CLVS1: variants seen among roughly 807,000 people sequenced by gnomAD.
The protein encoded by CLVS1 is clavesin 1.
Under a neutral mutation model 33.1 loss-of-function variants are expected in CLVS1, and 10 were observed. The observed-to-expected ratio is 0.30, with a 90% CI of 0.19 to 0.51. The LOEUF (loss-of-function observed/expected upper bound fraction) is 0.51. Ranked by LOEUF, CLVS1 falls within the 20% of genes least tolerant of loss-of-function variation. CLVS1 has a pLI of 0.97. For missense variants in CLVS1, 343 were observed against 433.4 expected (o/e 0.79, Z 1.85); for synonymous variants, 163 against 166.1 (o/e 0.98, Z 0.14).
intron 2 of CLVS1, among the ~76,000 whole-genome samples, chr8:61,183,539 G>A (rs981131126): frequency 2.0e-5 from 3 of 151,968 alleles, no homozygotes; most frequent in Non-Finnish European, 4.4e-5. Flanking sequence ...GTGAATAAAT[G>A]GTGTTGTTAC....
chr8:61,421,459 C>T (rs1162356666), intron 3 of CLVS1, among the ~76,000 whole-genome samples: 1 of 152,234 alleles, frequency 6.6e-6, no homozygotes, highest in Non-Finnish European at 1.5e-5. Context: ...CCTCCACCTA[C>T]AGGGTAGCCC....
At chr8:61,085,339 G>T (rs925676868) in intron 1 of CLVS1, among the ~76,000 whole-genome samples, 1 of 152,226 alleles carries the variant, frequency 6.6e-6, no homozygotes, top group East Asian at 1.9e-4. Flanking sequence ...TAGGTCTATG[G>T]CATGGCATTA....
At position 61,471,250 on chromosome 8, in the gene CLVS1, A is replaced by G. The variant is rs1027474930; in HGVS notation, c.977+12708A>G. ...GTGCAAGAGCTCCCGGCTTGCTGTT[A>G]GGGTCAGAAGGCAGCAGAGTGAGAA... On this transcript the variant is annotated intron_variant, in intron 5 of 5. Coordinates refer to ENST00000325897, the MANE Select transcript of CLVS1 (RefSeq NM_173519.3). 8.5e-5 allele frequency among the ~76,000 whole-genome samples: 13 copies of G among 152,212 alleles called. 1 individual carries two copies. The highest frequency in any genetic ancestry group is 3.1e-4 in the African/African-American group (13 of 41,464).
At chr8:61,286,967 C>A (rs1426745165), upstream of CLVS1, among the ~76,000 whole-genome samples, 1 of 152,090 alleles carries the variant, frequency 6.6e-6, no homozygotes, top group Non-Finnish European at 1.5e-5. Flanking sequence ...ACATTACAGG[C>A]TATATAAAAA....
At chr8:61,349,695 G>A (rs1054411641) in intron 2 of CLVS1, among the ~76,000 whole-genome samples, 7 of 152,038 alleles carry the variant, frequency 4.6e-5, no homozygotes, top group Admixed American at 3.3e-4. Flanking sequence ...GAATTACTTT[G>A]CAATTCTAAT....
intron 1 of CLVS1, among the ~76,000 whole-genome samples, chr8:61,290,598 A>C (rs529181111): frequency 6.6e-6 from 1 of 152,298 alleles, no homozygotes; most frequent in East Asian, 1.9e-4. Flanking sequence ...AAGGTTTTAC[A>C]AAGAGAGGCA....
chr8:61,163,408 G>A (rs905303989), intron 2 of CLVS1, among the ~76,000 whole-genome samples: 76 of 152,226 alleles, frequency 5.0e-4, no homozygotes, highest in Non-Finnish European at 8.2e-4. Context: ...GTACACCATT[G>A]GGGACCCTAA....
chr8:61,441,527 G>T (rs887204979), intron 3 of CLVS1, among the ~76,000 whole-genome samples: 4 of 152,180 alleles, frequency 2.6e-5, no homozygotes, highest in Non-Finnish European at 5.9e-5. Flanking sequence ...TGTGAAAGAA[G>T]CTTCCCAAGG....
intron 2 of CLVS1, among the ~76,000 whole-genome samples, chr8:61,255,125 A>G (rs528980712): frequency 1.5e-4 from 23 of 152,270 alleles, no homozygotes; most frequent in African/African-American, 5.5e-4. Flanking sequence ...AGATGACACT[A>G]CCTTGTAAAA....
intron 1 of CLVS1, chr8:61,291,907 T>G (rs1223235116): frequency 5.9e-6 from 1 of 170,444 alleles, no homozygotes; most frequent in African/African-American, 2.4e-5. Flanking sequence ...TCAGAGGCAA[T>G]TAACCTACCT....
intron 3 of CLVS1, among the ~76,000 whole-genome samples, chr8:61,417,140 T>G (rs542991400): frequency 9.9e-5 from 15 of 152,086 alleles, no homozygotes; most frequent in Non-Finnish European, 8.8e-5. Context: ...GGGGAGACCA[T>G]GGGCTGGAGA....
chr8:61,184,947 A>G (rs1362424670), intron 2 of CLVS1, among the ~76,000 whole-genome samples: 1 of 152,242 alleles, frequency 6.6e-6, no homozygotes, highest in Non-Finnish European at 1.5e-5. Flanking sequence ...GAAGAATAAG[A>G]AAATACTACC....
intron 5 of CLVS1, among the ~76,000 whole-genome samples, chr8:61,463,774 TA>T (rs1817451338): frequency 6.6e-6 from 1 of 151,912 alleles, no homozygotes; most frequent in African/African-American, 2.4e-5. Flanking sequence ...ATAAGAATAA[TA>T]AAAAGTTTGG....
intron 3 of CLVS1, among the ~76,000 whole-genome samples, chr8:61,419,492 A>C (rs907988761): frequency 6.6e-6 from 1 of 152,092 alleles, no homozygotes; most frequent in Admixed American, 6.6e-5. Flanking sequence ...AAGAGAGTTG[A>C]AGATGCATTT....
intron 2 of CLVS1, among the ~76,000 whole-genome samples, chr8:61,331,529 A>AT (rs1335351253): frequency 1.7e-5 from 2 of 114,424 alleles, no homozygotes. Context: ...TGCCTTCCCA[A>AT]TTAAAAAAAA....
chr8:61,330,224 T>C (rs1239369342), intron 2 of CLVS1, among the ~76,000 whole-genome samples: 1 of 152,110 alleles, frequency 6.6e-6, no homozygotes, highest in Non-Finnish European at 1.5e-5. Flanking sequence ...GCAGCTGCTG[T>C]TACAGTGTCC....
the CLVS1 span, among the ~76,000 whole-genome samples, chr8:61,039,311 C>T: frequency 6.6e-6 from 1 of 152,068 alleles, no homozygotes; most frequent in African/African-American, 2.4e-5. Flanking sequence ...TTTAAAAATG[C>T]TAGCCCAAAC....
chr8:61,170,142 A>G (rs574083543), intron 2 of CLVS1, among the ~76,000 whole-genome samples: 1 of 152,124 alleles, frequency 6.6e-6, no homozygotes, highest in Non-Finnish European at 1.5e-5. Flanking sequence ...TTATCCCCCA[A>G]TAGAAGCAAT....
At chr8:61,001,753 G>T in the CLVS1 span, among the ~76,000 whole-genome samples, 1 of 152,120 alleles carries the variant, frequency 6.6e-6, no homozygotes, top group African/African-American at 2.4e-5. Flanking sequence ...CCCAAGCTCC[G>T]GCTAAACTCA....
Sources: allele counts gnomAD v4.1 joint callset (sites outside exome capture counted in the v4.1 genomes callset), GRCh38; gene constraint gnomAD v4.1.1; transcripts MANE v1.5; gene names NCBI Gene and HGNC (gene_info 2026-07-23, HGNC 2026-07-21).